UNC13B: variants seen among roughly 807,000 people sequenced by gnomAD.
UNC13B encodes protein unc-13 homolog B.
Under a neutral mutation model 211.0 loss-of-function variants are expected in UNC13B, and 144 were observed. That is an observed-to-expected ratio of 0.68 (90% CI 0.60 to 0.78). The LOEUF is 0.78. UNC13B is among the 30% of genes least tolerant of loss of function. UNC13B has a pLI of 0.00. For missense variants in UNC13B, 1,777 were observed against 2,002.0 expected (o/e 0.89, Z 2.14); for synonymous variants, 709 against 725.8 (o/e 0.98, Z 0.37).
intron 15 of UNC13B, among the ~76,000 whole-genome samples, chr9:35,376,538 G>A (rs1432435374): frequency 3.3e-5 from 5 of 152,190 alleles, no homozygotes. Flanking sequence ...GAGCTTTGTA[G>A]TGTATACAGC....
intron 11 of UNC13B, chr9:35,351,191 A>G: frequency 1.5e-6 from 1 of 683,824 alleles, no homozygotes. Flanking sequence ...TGATTCCTAT[A>G]ATCTTAGGAG....
At chr9:35,324,558 G>T (rs1426485389) in intron 11 of UNC13B, among the ~76,000 whole-genome samples, 1 of 152,160 alleles carries the variant, frequency 6.6e-6, no homozygotes, top group Non-Finnish European at 1.5e-5. Flanking sequence ...CTGTATTTGT[G>T]AAGGTCATCA....
intron 1 of UNC13B, among the ~76,000 whole-genome samples, chr9:35,209,894 A>G (rs1014939623): frequency 1.3e-5 from 2 of 152,088 alleles, no homozygotes; most frequent in African/African-American, 4.8e-5. Context: ...CTTCTAGTGG[A>G]CTAATACTTT....
chr9:35,199,765 A>C (rs1183154535), intron 1 of UNC13B, among the ~76,000 whole-genome samples: 1 of 152,150 alleles, frequency 6.6e-6, no homozygotes, highest in Non-Finnish European at 1.5e-5. Context: ...AGTAGATTGC[A>C]AAAATTTTCT....
intron 7 of UNC13B, among the ~76,000 whole-genome samples, chr9:35,259,369 A>G (rs1303289783): frequency 1.3e-5 from 2 of 152,060 alleles, no homozygotes; most frequent in Non-Finnish European, 2.9e-5. Flanking sequence ...TTTAAATATC[A>G]TCACTTCTGG....
At chr9:35,162,673 C>T (rs1469059994) in intron 1 of UNC13B, among the ~76,000 whole-genome samples, 1 of 152,096 alleles carries the variant, frequency 6.6e-6, no homozygotes, top group Admixed American at 6.5e-5. Context: ...CTCCTCGCAC[C>T]GTAACGCTAC....
At chr9:35,243,461 G>A in intron 6 of UNC13B, 97 bp downstream of exon 6, 1 of 1,265,242 alleles carries the variant, frequency 7.9e-7, no homozygotes, top group Non-Finnish European at 1.1e-6. Flanking sequence ...ATGTTGTCCT[G>A]AGAATGAAAT....
In UNC13B at chr9:35,305,684, C is replaced by T. The variant is rs1248484209; in HGVS notation, c.6280C>T (p.Leu2094Phe). The change falls in exon 9 of 40, where the codon CTC becomes TTC. Residue 2094 changes from leucine to phenylalanine, a missense_variant. Physicochemically the swap from Leu to Phe is conservative, Grantham distance 22. Transcript: ENST00000635942. Reference protein sequence around the residue: ...SPNSSFSTSSLKESSRESSVE... With the variant: ...SPNSSFSTSSFKESSRESSVE... ...TAATTCATCTTTTTCAACAAGTAGT[C>T]TCAAAGAGTCTTCCAGGGAGTCTTC... The T allele has an allele frequency of 2.5e-6, 1 of 398,852 alleles. No homozygotes were observed. The highest frequency in any genetic ancestry group is 2.1e-5 in the African/African-American group (1 of 48,620). The allele number at this position is 398,852 out of a possible 1,614,324, so 24.7% of individuals were successfully genotyped here. A position where few individuals can be genotyped will look rare whatever the true frequency, so the allele number is the denominator to read the frequency against.
At chr9:35,330,664 T>G (rs1475171752) in intron 11 of UNC13B, among the ~76,000 whole-genome samples, 2 of 152,188 alleles carry the variant, frequency 1.3e-5, no homozygotes. Flanking sequence ...AATACGGATG[T>G]TTTTTGTTTG....
intron 15 of UNC13B, among the ~76,000 whole-genome samples, chr9:35,376,652 T>G (rs1834435430): frequency 6.6e-6 from 1 of 152,176 alleles, no homozygotes. Context: ...AGGAACCTCC[T>G]AAAGCCTAGA....
rs1258446020 is a variant in UNC13B, at chr9:35,305,899, C to A, written c.6495C>A (p.Leu2165=). ...CCAAAAAGAGTATATTTTCTTTTCTCACTGGATCTGAAAAATCTGAGAACA... is the reference window on the plus strand; with the variant it reads ...CCAAAAAGAGTATATTTTCTTTTCTAACTGGATCTGAAAAATCTGAGAACA... ...LSTKKSIFSF[L]TGSEKSENRA... The change falls in exon 9 of 40, where the codon CTC becomes CTA. Residue 2165 remains leucine, a synonymous_variant. Transcript: ENST00000635942. 3 of 398,880 alleles carry A rather than the reference C, an allele frequency of 7.5e-6. No individual in the cohort carries two copies. The Admixed American group carries it at 1.3e-4, about 18-fold the overall frequency. 24.7% of individuals were successfully genotyped at this position (398,880 alleles called of 1,614,324 possible). A position where few individuals can be genotyped will look rare whatever the true frequency, so the allele number is the denominator to read the frequency against.
At chr9:35,334,538 G>A (rs1831545555) in intron 11 of UNC13B, among the ~76,000 whole-genome samples, 1 of 152,214 alleles carries the variant, frequency 6.6e-6, no homozygotes, top group Admixed American at 6.5e-5. Flanking sequence ...CATGTAGGTA[G>A]AAAAACAGTT....
chr9:35,263,427 A>T (rs1450201841), intron 7 of UNC13B, among the ~76,000 whole-genome samples: 1 of 151,778 alleles, frequency 6.6e-6, no homozygotes, highest in African/African-American at 2.4e-5. Context: ...AAATCCGTGC[A>T]TACTCAAATT....
chr9:35,398,197 A>C lies in UNC13B; in HGVS notation c.11755-14A>C, dbSNP rs374936318. ...AAAGGAGCCAAGACTCAACAGCTAC[A>C]TCTGTCCCCAAAGCCCTGCATCCTG... On this transcript the variant is annotated splice_polypyrimidine_tract_variant and intron_variant, in intron 30 of 39. Transcript: ENST00000635942. 1.1e-4 allele frequency: 175 copies of C among 1,611,402 alleles called. 2 individuals carry two copies. The highest frequency in any genetic ancestry group is 1.4e-4 in the Non-Finnish European group (170 of 1,178,366).
Position 35,350,454 on chromosome 9 carries a change from T to C in UNC13B, c.9415-16493T>C, listed in dbSNP as rs1373322258. 5.3e-5 allele frequency among the ~76,000 whole-genome samples: 8 copies of C among 152,300 alleles called. No individual in the cohort carries two copies. The East Asian group carries it at 1.5e-3, about 29-fold the overall frequency. On this transcript the variant is annotated intron_variant, in intron 11 of 39. Coordinates refer to ENST00000635942, the MANE Select transcript of UNC13B (RefSeq NM_001371189.2). ...GCTGGACAATCACTTATTGTGGTGC[T>C]CTGAAAGATCCTCTGTGGGCCAGGA... is the stretch of plus-strand genomic sequence containing the variant.
At chr9:35,328,654 T>TC (rs1831177426) in intron 11 of UNC13B, among the ~76,000 whole-genome samples, 2 of 101,258 alleles carry the variant, frequency 2.0e-5, no homozygotes, top group East Asian at 4.5e-4. Flanking sequence ...CTTCCTTCCT[T>TC]CCTTCCTTCC....
rs1829959446 is a variant in UNC13B at position 35,307,033 on chromosome 9, A to G, written c.7629A>G (p.Val2543=). 1 of 399,052 alleles carries G rather than the reference A, an allele frequency of 2.5e-6. No individual in the cohort carries two copies. The highest frequency in any genetic ancestry group is 4.4e-6 in the Non-Finnish European group (1 of 226,056). The allele number at this position is 399,052 out of a possible 1,614,324, so 24.7% of individuals were successfully genotyped here. Residue 2543 remains valine, a synonymous_variant, in exon 9 of 40, where the codon GTA becomes GTG. Coordinates refer to ENST00000635942, the MANE Select transcript of UNC13B (RefSeq NM_001371189.2). Reference sequence around the variant, plus strand: ...AAAATGGTTGTTCCAGAGATGCTGTAGGATCAGTACCTCCAGAAAGGAGAG... The same window carrying G: ...AAAATGGTTGTTCCAGAGATGCTGTGGGATCAGTACCTCCAGAAAGGAGAG... ...WLQNGCSRDA[V]GSVPPERREA... is the part of the protein sequence containing the mutation.
At chr9:35,250,810 G>T (rs1826420745) in intron 6 of UNC13B, among the ~76,000 whole-genome samples, 1 of 151,902 alleles carries the variant, frequency 6.6e-6, no homozygotes, top group Non-Finnish European at 1.5e-5. Flanking sequence ...TCATATTCTT[G>T]TCAACACTTG....
chr9:35,346,071 C>T (rs571761793), intron 11 of UNC13B, among the ~76,000 whole-genome samples: 5 of 152,198 alleles, frequency 3.3e-5, no homozygotes, highest in Non-Finnish European at 4.4e-5. Context: ...GCTAATCTCA[C>T]TTGCCATATC....
Sources: gnomAD v4.1 joint callset for allele counts (sites outside exome capture counted in the v4.1 genomes callset) on GRCh38, gnomAD v4.1.1 for gene constraint, MANE v1.5 for transcripts, NCBI Gene and HGNC (gene_info 2026-07-23, HGNC 2026-07-21) for gene names.